The following ARHGEF7 variants were observed in gnomAD, a reference collection of about 807,000 sequenced individuals.
The protein encoded by ARHGEF7 is Rho guanine nucleotide exchange factor 7.
ARHGEF7 carries 33 observed loss-of-function variants against 109.8 expected under a neutral mutation model. The observed-to-expected ratio is 0.30, with a 90% CI of 0.23 to 0.40. ARHGEF7 has a LOEUF of 0.40. ARHGEF7 is among the 10% of genes least tolerant of loss of function. The pLI, the probability that ARHGEF7 is intolerant of heterozygous loss-of-function variation, is 1.00. For synonymous variants in ARHGEF7, 458 were observed against 424.6 expected, an observed-to-expected ratio of 1.08 and a Z score of -0.97; for missense variants, 938 against 1,098.5, an observed-to-expected ratio of 0.85 and a Z score of 2.07.
chr13:111,184,097 T>C (rs974114215), intron 2 of ARHGEF7, among the ~76,000 whole-genome samples: 2 of 152,068 alleles, frequency 1.3e-5, no homozygotes, highest in Non-Finnish European at 2.9e-5. Flanking sequence ...CGGGTTGGTT[T>C]CCCCGCCGTT....
intron 18 of ARHGEF7, 136 bp downstream of exon 18, chr13:111,288,579 C>A: frequency 2.0e-6 from 1 of 512,556 alleles, no homozygotes; most frequent in Non-Finnish European, 3.3e-6. Context: ...ATGTTTCAGT[C>A]AGGGGTGGCA....
intron 8 of ARHGEF7, among the ~76,000 whole-genome samples, chr13:111,259,589 A>G (rs1342610116): frequency 1.3e-5 from 2 of 152,222 alleles, no homozygotes; most frequent in African/African-American, 4.8e-5. Flanking sequence ...CAGTGAGACC[A>G]AAAACTTAAA....
At chr13:111,174,489 C>A (rs1428166841) in intron 2 of ARHGEF7, among the ~76,000 whole-genome samples, 1 of 152,202 alleles carries the variant, frequency 6.6e-6, no homozygotes, top group Non-Finnish European at 1.5e-5. Context: ...CCCTTTCTTG[C>A]TCTTCCTTCA....
chr13:111,193,824 A>G (rs1276695681), intron 2 of ARHGEF7, among the ~76,000 whole-genome samples: 3 of 152,238 alleles, frequency 2.0e-5, no homozygotes, highest in Non-Finnish European at 4.4e-5. Flanking sequence ...CTCGGGCAGC[A>G]TAAGTCTGGA....
chr13:111,284,584 A>G (rs575438952), intron 16 of ARHGEF7, among the ~76,000 whole-genome samples: 3 of 152,380 alleles, frequency 2.0e-5, no homozygotes, highest in Non-Finnish European at 2.9e-5. Flanking sequence ...TTGGGCAAAG[A>G]AGTAGAAAGG....
At chr13:111,301,420 G>C in intron 20 of ARHGEF7, 58 bp from the exon 21 acceptor site, 3 of 1,487,218 alleles carry the variant, frequency 2.0e-6, no homozygotes, top group South Asian at 2.3e-5. Flanking sequence ...GTAAGTTTTC[G>C]TGTGTCCTCT....
At chr13:111,219,372 G>A (rs1369055561) in intron 5 of ARHGEF7, among the ~76,000 whole-genome samples, 5 of 152,246 alleles carry the variant, frequency 3.3e-5, no homozygotes, top group Non-Finnish European at 7.3e-5. Flanking sequence ...TTCATCATAT[G>A]TATGTACAAC....
intron 15 of ARHGEF7, among the ~76,000 whole-genome samples, chr13:111,282,499 T>C (rs1326460374): frequency 1.3e-5 from 2 of 152,218 alleles, no homozygotes; most frequent in African/African-American, 4.8e-5. Context: ...TCTAAGAACA[T>C]AATTGGTTTT....
intron 1 of ARHGEF7, among the ~76,000 whole-genome samples, chr13:111,151,050 T>C (rs1301757949): frequency 6.6e-6 from 1 of 152,224 alleles, no homozygotes; most frequent in Non-Finnish European, 1.5e-5. Flanking sequence ...CTCATGGGTT[T>C]TGGGCTCTGT....
intron 9 of ARHGEF7, among the ~76,000 whole-genome samples, chr13:111,269,804 C>G (rs970282178): frequency 6.6e-6 from 1 of 152,160 alleles, no homozygotes; most frequent in Non-Finnish European, 1.5e-5. Flanking sequence ...TCCTCCCCAC[C>G]CCAAAGACAC....
intron 2 of ARHGEF7, among the ~76,000 whole-genome samples, chr13:111,187,741 G>A (rs2079416064): frequency 6.6e-6 from 1 of 152,194 alleles, no homozygotes. Flanking sequence ...TAATATCGGG[G>A]TATCAGTAGG....
chr13:111,216,929 T>A (rs906481646), intron 4 of ARHGEF7, among the ~76,000 whole-genome samples: 6 of 152,252 alleles, frequency 3.9e-5, no homozygotes, highest in Admixed American at 3.9e-4. Context: ...TCTGAAAATA[T>A]GCACAGTTTC....
chr13:111,216,195 C>A lies in ARHGEF7; in HGVS notation c.469-1484C>A, dbSNP rs528382791. Among the ~76,000 whole-genome samples, 4 of 152,322 alleles carry A rather than the reference C, an allele frequency of 2.6e-5. No homozygotes were observed. In the East Asian group the frequency reaches 7.7e-4, roughly 29 times the overall value. ...TTACCCTGCTTTTCAGCTCTGCCCT[C>A]TTAGACTCAGCTTCTGAGACTGATA... On this transcript the variant is annotated intron_variant, in intron 4 of 21. Coordinates refer to ENST00000646102, the MANE Select transcript of ARHGEF7 (RefSeq NM_001354046.2).
intron 19 of ARHGEF7, chr13:111,293,376 T>C (rs1448257704): frequency 3.0e-6 from 3 of 984,860 alleles, no homozygotes; most frequent in Non-Finnish European, 3.6e-6. Context: ...CAATGCCTCA[T>C]TGTAATGGGA....
chr13:111,305,609 G>T lies in ARHGEF7; in HGVS notation c.*2496G>T, dbSNP rs1434772837. On this transcript the variant is annotated 3_prime_UTR_variant, in exon 22 of 22. Coordinates refer to ENST00000646102, the MANE Select transcript of ARHGEF7 (RefSeq NM_001354046.2). ...TCTTCACTTCTCTGGGACACCCAGGGCGCCTGTTGACAAGTGTGGAGAAAC... is the reference window on the plus strand; with the variant it reads ...TCTTCACTTCTCTGGGACACCCAGGTCGCCTGTTGACAAGTGTGGAGAAAC... The T allele has an allele frequency of 6.6e-6, 1 of 152,214 alleles. No homozygotes were observed. Among genetic ancestry groups the T allele is most frequent in the African/African-American group, 2.4e-5 (1 of 41,454 alleles). 9.4% of individuals were successfully genotyped at this position (152,214 alleles called of 1,614,324 possible).
intron 2 of ARHGEF7, among the ~76,000 whole-genome samples, chr13:111,163,605 C>T (rs773846929): frequency 2.6e-5 from 4 of 152,062 alleles, no homozygotes; most frequent in Admixed American, 6.5e-5. Context: ...CACTCTATTA[C>T]CCAGGCTGGA....
At chr13:111,231,948 C>T (rs1485080338) in intron 5 of ARHGEF7, among the ~76,000 whole-genome samples, 1 of 152,126 alleles carries the variant, frequency 6.6e-6, no homozygotes, top group Non-Finnish European at 1.5e-5. Flanking sequence ...TTCCTTTGTC[C>T]CCACTAGCCC....
intron 1 of ARHGEF7, among the ~76,000 whole-genome samples, chr13:111,151,052 G>A (rs2075864047): frequency 6.6e-6 from 1 of 152,060 alleles, no homozygotes; most frequent in South Asian, 2.1e-4. Flanking sequence ...CATGGGTTTT[G>A]GGCTCTGTAC....
At chr13:111,153,626 G>A (rs1385464750) in intron 1 of ARHGEF7, 3 of 1,173,958 alleles carry the variant, frequency 2.6e-6, no homozygotes, top group African/African-American at 3.3e-5. Context: ...CGGGCCGGCG[G>A]GGGCGCGGTC....
Sources: gnomAD v4.1 joint callset for allele counts (sites outside exome capture counted in the v4.1 genomes callset) on GRCh38, gnomAD v4.1.1 for gene constraint, MANE v1.5 for transcripts, NCBI Gene and HGNC (gene_info 2026-07-23, HGNC 2026-07-21) for gene names.